HYDIN: variants seen among roughly 807,000 people sequenced by gnomAD.
HYDIN encodes axonemal central pair apparatus protein HYDIN.
HYDIN carries 132 observed loss-of-function variants against 403.9 expected under a neutral mutation model. That is an observed-to-expected ratio of 0.33 (90% CI 0.28 to 0.38). The LOEUF is 0.38. Among genes scored for constraint, HYDIN ranks in the 10% least tolerant of loss-of-function variants. HYDIN has a pLI of 1.00. For missense variants in HYDIN, 2,827 were observed against 5,009.5 expected, an observed-to-expected ratio of 0.56 and a Z score of 13.15; for synonymous variants, 1,202 against 1,891.7, an observed-to-expected ratio of 0.64 and a Z score of 9.46.
intron 4 of HYDIN, among the ~76,000 whole-genome samples, chr16:71,177,695 T>C (rs1277359141): frequency 6.6e-6 from 1 of 152,236 alleles, no homozygotes; most frequent in Non-Finnish European, 1.5e-5. Context: ...TCCACATTCT[T>C]AGACCCCTGA....
intron 75 of HYDIN, among the ~76,000 whole-genome samples, chr16:70,848,648 T>G (rs1341897495): frequency 2.8e-5 from 3 of 106,868 alleles, no homozygotes; most frequent in Non-Finnish European, 5.7e-5. Flanking sequence ...TCCCAGCTTT[T>G]GCTGAGGGGC....
chr16:71,030,901 T>C (rs1399180616), intron 19 of HYDIN, among the ~76,000 whole-genome samples: 1 of 152,016 alleles, frequency 6.6e-6, no homozygotes, highest in Non-Finnish European at 1.5e-5. Context: ...GGACATAAGC[T>C]TTGCAAAAGC....
intron 21 of HYDIN, among the ~76,000 whole-genome samples, chr16:71,023,898 A>T (rs1189531467): frequency 6.6e-6 from 1 of 152,012 alleles, no homozygotes; most frequent in Non-Finnish European, 1.5e-5. Flanking sequence ...AGGTAATGAA[A>T]GGAACCCCAG....
intron 8 of HYDIN, among the ~76,000 whole-genome samples, chr16:71,136,454 AG>A (rs2084920911): frequency 6.6e-6 from 1 of 151,934 alleles, no homozygotes; most frequent in African/African-American, 2.4e-5. Flanking sequence ...GATTATTTTT[AG>A]GAACGCTTTA....
In HYDIN at chr16:71,048,515, C is replaced by T. The variant is rs2081526335; in HGVS notation, c.2529+11989G>A. The stretch of plus-strand genomic sequence containing the variant: ...TTGCCAGTATTTGCTATTTTTTGTC[C>T]TTTTAATAATAGACATCCTAACTGG... On this transcript the variant is annotated intron_variant, in intron 18 of 85. Transcript: ENST00000393567. Among the ~76,000 whole-genome samples, 2 of 141,634 alleles carry T rather than the reference C, an allele frequency of 1.4e-5. 1 individual carries two copies. Among genetic ancestry groups the T allele is most frequent in the Non-Finnish European group, 3.1e-5 (2 of 63,820 alleles). 92.9% of individuals were successfully genotyped at this position (141,634 alleles called of 152,430 possible). A position where few individuals can be genotyped will look rare whatever the true frequency, so the allele number is the denominator to read the frequency against.
At chr16:70,896,163 T>A (rs75375189) in intron 53 of HYDIN, 83 bp from the exon 54 acceptor site, 3 of 1,549,554 alleles carry the variant, frequency 1.9e-6, no homozygotes, top group Non-Finnish European at 2.6e-6. Flanking sequence ...CTAACGGGGA[T>A]ACGGCAGGGA....
Position 70,920,619 on chromosome 16 carries a change from T to C in HYDIN, c.7757A>G (p.Glu2586Gly). 2 of 1,613,856 alleles carry C rather than the reference T, an allele frequency of 1.2e-6. No individual in the cohort carries two copies. The highest frequency in any genetic ancestry group is 1.7e-6 in the Non-Finnish European group (2 of 1,179,892). Residue 2586 changes from glutamate to glycine, a missense_variant, in exon 46 of 86, where the codon GAG becomes GGG. Glu to Gly is a moderately conservative substitution (Grantham distance 98). Transcript: ENST00000393567. The stretch of plus-strand genomic sequence containing the variant: ...CTCTCCTTTGGGAAGCTTGTCGCTC[T>C]CTAGGGCCTGCTTCCAGCTCAAGCC... ...FEGLSWKQAL[E>G]SDKLPKGEQI...
intron 10 of HYDIN, among the ~76,000 whole-genome samples, chr16:71,102,135 A>G (rs1388685266): frequency 6.6e-6 from 1 of 152,038 alleles, no homozygotes; most frequent in African/African-American, 2.4e-5. Context: ...ATGGCTAAAA[A>G]GCAGTATGAA....
intron 73 of HYDIN, among the ~76,000 whole-genome samples, chr16:70,851,150 A>G (rs2038613305): frequency 1.3e-5 from 2 of 150,738 alleles, no homozygotes; most frequent in Admixed American, 6.6e-5. Flanking sequence ...CTGAGTCTTC[A>G]AAAGCACTTG....
At chr16:70,907,101 C>G (rs1285837300) in intron 50 of HYDIN, among the ~76,000 whole-genome samples, 4 of 152,036 alleles carry the variant, frequency 2.6e-5, no homozygotes, top group African/African-American at 9.7e-5. Context: ...GCCTCTTAAA[C>G]TGAACATAAG....
At chr16:70,970,832 G>A (rs76424707) in intron 35 of HYDIN, 73 bp from the exon 36 acceptor site, 108,197 of 1,470,290 alleles carry the variant, frequency 0.074, 4,329 homozygotes, top group Middle Eastern at 0.12. Context: ...AAACACTGCT[G>A]AGGGGAAAAA....
chr16:70,888,711 C>A (rs1340189620), intron 58 of HYDIN, among the ~76,000 whole-genome samples: 1 of 152,148 alleles, frequency 6.6e-6, no homozygotes, highest in Non-Finnish European at 1.5e-5. Flanking sequence ...AAAATCTCGG[C>A]TTGGTATTCG....
At position 71,189,078 on chromosome 16, in the gene HYDIN, G is replaced by A. The variant is rs531486191; in HGVS notation, c.-23-2160C>T. ...TATCCTTTTTGATTATATGATTACAGTTACAAAGAGCTAAAAATATGGTGT... is the reference window on the plus strand; with the variant it reads ...TATCCTTTTTGATTATATGATTACAATTACAAAGAGCTAAAAATATGGTGT... On this transcript the variant is annotated intron_variant, in intron 1 of 85. Coordinates refer to ENST00000393567, the MANE Select transcript of HYDIN (RefSeq NM_001270974.2). 8.5e-5 allele frequency among the ~76,000 whole-genome samples: 13 copies of A among 152,292 alleles called. No individual in the cohort carries two copies. In the South Asian group the frequency reaches 2.7e-3, roughly 32 times the overall value.
chr16:71,011,328 A>T (rs2080074057), intron 23 of HYDIN, among the ~76,000 whole-genome samples: 1 of 152,218 alleles, frequency 6.6e-6, no homozygotes, highest in South Asian at 2.1e-4. Flanking sequence ...GGCTAGGAGG[A>T]GCACAGCGCT....
At chr16:70,911,383 TTATG>T (rs1461221223) in intron 47 of HYDIN, among the ~76,000 whole-genome samples, 4 of 151,294 alleles carry the variant, frequency 2.6e-5, no homozygotes, top group Non-Finnish European at 2.9e-5. Flanking sequence ...TTTCCCCACT[TTATG>T]TTTTTGTTTG....
At chr16:70,837,055 A>C (rs2143529534) in intron 77 of HYDIN, among the ~76,000 whole-genome samples, 1 of 152,370 alleles carries the variant, frequency 6.6e-6, no homozygotes, top group Admixed American at 6.5e-5. Context: ...TTAATCTTCC[A>C]AAACCTTCTA....
At chr16:71,072,464 A>G (rs1360387226) in intron 13 of HYDIN, among the ~76,000 whole-genome samples, 5 of 152,220 alleles carry the variant, frequency 3.3e-5, no homozygotes, top group South Asian at 2.1e-4. Context: ...ACTGTAGACT[A>G]TAAGTTTCCC....
Position 70,850,659 on chromosome 16 carries a change from G to A in HYDIN, c.12444-4C>T, listed in dbSNP as rs7200463. On this transcript the variant is annotated splice_region_variant and splice_polypyrimidine_tract_variant and intron_variant, in intron 73 of 85. Coordinates refer to ENST00000393567, the MANE Select transcript of HYDIN (RefSeq NM_001270974.2). ...GAAGAAAATATCAATTGGGAACCTG[G>A]TTGGGGAACAAAACAGCAGATTACC... The A allele has an allele frequency of 6.5e-3, 10,441 of 1,613,186 alleles. 604 individuals carry two copies. The African/African-American group carries it at 0.12, about 19-fold the overall frequency.
intron 1 of HYDIN, among the ~76,000 whole-genome samples, chr16:71,226,748 C>T (rs9939194): frequency 0.35 from 52,910 of 151,974 alleles, 9,670 homozygotes; most frequent in East Asian, 0.57. Context: ...AGAAAACTGA[C>T]GCTCGGGCCT....
Sources: allele counts gnomAD v4.1 joint callset (sites outside exome capture counted in the v4.1 genomes callset), GRCh38; gene constraint gnomAD v4.1.1; transcripts MANE v1.5; gene names NCBI Gene and HGNC (gene_info 2026-07-23, HGNC 2026-07-21).